The following PRTFDC1 variants were observed in gnomAD, a reference collection of about 807,000 sequenced individuals.
PRTFDC1 encodes phosphoribosyl transferase domain containing 1, also known as phosphoribosyltransferase domain-containing protein 1.
Under a neutral mutation model 34.6 loss-of-function variants are expected in PRTFDC1, and 38 were observed. The observed-to-expected ratio is 1.10, with a 90% CI of 0.85 to 1.44. The LOEUF (loss-of-function observed/expected upper bound fraction) is 1.44. Among genes scored for constraint, PRTFDC1 ranks in the 40% most tolerant of loss-of-function variants. PRTFDC1 has a pLI of 0.00. For synonymous variants in PRTFDC1, 93 were observed against 98.1 expected (o/e 0.95, Z 0.31); for missense variants, 270 against 283.0 (o/e 0.95, Z 0.33).
intron 3 of PRTFDC1, among the ~76,000 whole-genome samples, chr10:24,883,281 A>G (rs1848111162): frequency 6.6e-6 from 1 of 152,122 alleles, no homozygotes; most frequent in African/African-American, 2.4e-5. Context: ...CTGTTTAATG[A>G]CAATGATTAA....
Position 24,885,926 on chromosome 10 carries a change from G to A in PRTFDC1, c.340-13863C>T, listed in dbSNP as rs141895648. ...CACTGTAAGATTCCAACTAAATGAC[G>A]TTCTAGAAAAGGCAAAACTGTGGAG... On this transcript the variant is annotated intron_variant, in intron 3 of 8. Coordinates refer to ENST00000320152, the MANE Select transcript of PRTFDC1 (RefSeq NM_020200.7). Among the ~76,000 whole-genome samples, 219 of 152,258 alleles carry A rather than the reference G, an allele frequency of 1.4e-3. 1 individual carries two copies. Among genetic ancestry groups the A allele is most frequent in the African/African-American group, 5.1e-3 (210 of 41,540 alleles).
chr10:24,877,999 A>T (rs1468698810), intron 3 of PRTFDC1, among the ~76,000 whole-genome samples: 1 of 151,514 alleles, frequency 6.6e-6, no homozygotes, highest in Non-Finnish European at 1.5e-5. Flanking sequence ...TCCCAAAGAG[A>T]GCTGGGTGTG....
At chr10:24,879,999 G>T (rs1382800718) in intron 3 of PRTFDC1, among the ~76,000 whole-genome samples, 1 of 152,126 alleles carries the variant, frequency 6.6e-6, no homozygotes, top group South Asian at 2.1e-4. Context: ...CAGGGACCAG[G>T]CTGCCTGGGT....
intron 3 of PRTFDC1, among the ~76,000 whole-genome samples, chr10:24,889,083 T>C (rs1338781551): frequency 6.6e-6 from 1 of 151,480 alleles, no homozygotes; most frequent in African/African-American, 2.4e-5. Flanking sequence ...TACTAGGAGG[T>C]GGGGACTTTG....
At chr10:24,887,023 TGCAGTGGC>T (rs2132533816) in intron 3 of PRTFDC1, among the ~76,000 whole-genome samples, 1 of 137,440 alleles carries the variant, frequency 7.3e-6, no homozygotes, top group South Asian at 2.5e-4. Flanking sequence ...GACTGCGGAC[TGCAGTGGC>T]GCAATCTCGG....
intron 3 of PRTFDC1, among the ~76,000 whole-genome samples, chr10:24,924,096 T>A (rs1275567637): frequency 6.6e-6 from 1 of 151,812 alleles, no homozygotes; most frequent in Non-Finnish European, 1.5e-5. Flanking sequence ...GAAGACAAGA[T>A]TAGAGAAAAA....
chr10:24,864,127 C>T (rs927558025), intron 4 of PRTFDC1, among the ~76,000 whole-genome samples: 8 of 151,612 alleles, frequency 5.3e-5, no homozygotes, highest in African/African-American at 1.9e-4. Context: ...ATTGCTGTAA[C>T]CTGATGATCA....
chr10:24,869,382 G>C (rs1247716325), intron 4 of PRTFDC1, among the ~76,000 whole-genome samples: 1 of 152,096 alleles, frequency 6.6e-6, no homozygotes, highest in Non-Finnish European at 1.5e-5. Context: ...GCTGTAATGG[G>C]CATTTAAGTT....
intron 3 of PRTFDC1, among the ~76,000 whole-genome samples, chr10:24,930,198 C>T (rs370022604): frequency 5.8e-4 from 89 of 152,140 alleles, no homozygotes; most frequent in Middle Eastern, 3.4e-3. Flanking sequence ...AGGTTCTTTC[C>T]GAATTTTTCT....
At position 24,931,480 on chromosome 10, in the gene PRTFDC1, T is replaced by C. The variant is rs149154956; in HGVS notation, c.339+5704A>G. ...AAGAATAAAAAAATTGAAAAACCTT[T>C]AGGCATACTGGTGAAGAAAAGGAAA... On this transcript the variant is annotated intron_variant, in intron 3 of 8. Coordinates refer to ENST00000320152, the MANE Select transcript of PRTFDC1 (RefSeq NM_020200.7). 7.1e-3 allele frequency among the ~76,000 whole-genome samples: 1,075 copies of C among 152,114 alleles called. 16 individuals carry two copies. Among genetic ancestry groups the C allele is most frequent in the African/African-American group, 0.025 (1,022 of 41,560 alleles).
intron 3 of PRTFDC1, among the ~76,000 whole-genome samples, chr10:24,890,150 G>C (rs1848235923): frequency 6.6e-6 from 1 of 152,252 alleles, no homozygotes; most frequent in South Asian, 2.1e-4. Context: ...CGGAAGCCTG[G>C]AAGAGGAGTG....
At chr10:24,861,141 T>C (rs954622492) in intron 4 of PRTFDC1, among the ~76,000 whole-genome samples, 1 of 152,158 alleles carries the variant, frequency 6.6e-6, no homozygotes, top group Non-Finnish European at 1.5e-5. Flanking sequence ...TATTGAGAGA[T>C]ATTGAAAGAC....
intron 3 of PRTFDC1, among the ~76,000 whole-genome samples, chr10:24,932,601 A>T (rs1848988425): frequency 6.6e-6 from 1 of 152,018 alleles, no homozygotes; most frequent in African/African-American, 2.4e-5. Context: ...TATGCCTAAG[A>T]TCTGACACTT....
At chr10:24,929,737 A>G (rs1848942065) in intron 3 of PRTFDC1, among the ~76,000 whole-genome samples, 1 of 152,316 alleles carries the variant, frequency 6.6e-6, no homozygotes, top group African/African-American at 2.4e-5. Flanking sequence ...TTTGAGAGAG[A>G]ATAAAGGGAA....
chr10:24,935,858 A>C (rs1849042223), intron 3 of PRTFDC1, among the ~76,000 whole-genome samples: 1 of 152,236 alleles, frequency 6.6e-6, no homozygotes, highest in Admixed American at 6.5e-5. Context: ...TACCAACTCC[A>C]GCCTACAGTC....
intron 3 of PRTFDC1, among the ~76,000 whole-genome samples, chr10:24,934,676 C>T (rs1274788746): frequency 2.0e-5 from 3 of 152,148 alleles, no homozygotes; most frequent in South Asian, 2.1e-4. Flanking sequence ...TGGAAGCTGC[C>T]GCTTCTAGTT....
chr10:24,933,692 AAT>A (rs1491580509), intron 3 of PRTFDC1, among the ~76,000 whole-genome samples: 1 of 126,276 alleles, frequency 7.9e-6, no homozygotes, highest in African/African-American at 2.6e-5. Flanking sequence ...AGAGTTTGGC[AAT>A]TTTTTTTTTT....
chr10:24,890,353 A>G (rs1373951893), intron 3 of PRTFDC1, among the ~76,000 whole-genome samples: 3 of 152,184 alleles, frequency 2.0e-5, no homozygotes, highest in African/African-American at 7.2e-5. Context: ...CAGCTCTTCA[A>G]TGAGACATTC....
Position 24,848,786 on chromosome 10 carries a change from C to T in PRTFDC1, c.*1058G>A, listed in dbSNP as rs1304750698. On this transcript the variant is annotated 3_prime_UTR_variant, in exon 9 of 9. Transcript: ENST00000320152. ...CTCTATTGGGACTCAAGTTTATTTT[C>T]AATTAAAATCCCCATAAATTAGGAA... 4 of 151,996 alleles carry T rather than the reference C, an allele frequency of 2.6e-5. No individual in the cohort carries two copies. Among genetic ancestry groups the T allele is most frequent in the African/African-American group, 9.7e-5 (4 of 41,378 alleles). 9.4% of individuals were successfully genotyped at this position (151,996 alleles called of 1,614,324 possible). A position where few individuals can be genotyped will look rare whatever the true frequency, so the allele number is the denominator to read the frequency against.
Sources: allele counts gnomAD v4.1 joint callset (sites outside exome capture counted in the v4.1 genomes callset), GRCh38; gene constraint gnomAD v4.1.1; transcripts MANE v1.5; gene names NCBI Gene and HGNC (gene_info 2026-07-23, HGNC 2026-07-21).